Variants in TARS1 observed in about 807,000 individuals in gnomAD.
The protein encoded by TARS1 is threonine--tRNA ligase 1, cytoplasmic.
TARS1 carries 57 observed loss-of-function variants against 97.7 expected under a neutral mutation model. That is an observed-to-expected ratio of 0.58 (90% CI 0.47 to 0.73). The LOEUF is 0.73. Ranked by LOEUF, TARS1 falls within the 30% of genes least tolerant of loss-of-function variation. The pLI, the probability that TARS1 is intolerant of heterozygous loss-of-function variation, is 0.00. For synonymous variants in TARS1, 312 were observed against 293.7 expected, an observed-to-expected ratio of 1.06 and a Z score of -0.64; for missense variants, 806 against 888.3, an observed-to-expected ratio of 0.91 and a Z score of 1.18.
At chr5:33,440,794 A>T (rs1025428508), upstream of TARS1, 2 of 530,198 alleles carry the variant, frequency 3.8e-6, no homozygotes, top group Non-Finnish European at 6.7e-6. Context: ...GAGAGTAGGC[A>T]TGTAGCTTCT....
At chr5:33,462,072 A>G (rs1233895247) in intron 15 of TARS1, 27 bp from the exon 16 acceptor site, 1 of 1,604,388 alleles carries the variant, frequency 6.2e-7, no homozygotes, top group East Asian at 2.2e-5. Flanking sequence ...ATATAATAAG[A>G]CAAAACAATT....
rs1742601550 is a variant in TARS1, at chr5:33,467,662, A to G, written c.2126A>G (p.Gln709Arg). ...RTISETIERL[Q>R]QLKEFRSKQA... Reference sequence around the variant, plus strand: ...ATTTCTGAAACTATCGAGCGGCTACAGCAGCTCAAAGAGTTCCGCAGCAAA... The same window carrying G: ...ATTTCTGAAACTATCGAGCGGCTACGGCAGCTCAAAGAGTTCCGCAGCAAA... Residue 709 changes from glutamine to arginine, a missense_variant, in exon 19 of 19, where the codon CAG becomes CGG. Transcript: ENST00000265112. 6.2e-7 allele frequency: 1 copy of G among 1,613,944 alleles called. No individual in the cohort carries two copies. Among genetic ancestry groups the G allele is most frequent in the South Asian group, 1.1e-5 (1 of 91,036 alleles).
In TARS1 at chr5:33,459,745, C is replaced by T. The variant is rs1742201393; in HGVS notation, c.1134C>T (p.Phe378=). The T allele has an allele frequency of 1.2e-6, 2 of 1,614,068 alleles. No homozygotes were observed. The highest frequency in any genetic ancestry group is 2.7e-5 in the African/African-American group (2 of 74,910). The change falls in exon 11 of 19, where the codon TTC becomes TTT. Residue 378 remains phenylalanine, a synonymous_variant. Coordinates refer to ENST00000265112, the MANE Select transcript of TARS1 (RefSeq NM_152295.5). The stretch of plus-strand genomic sequence containing the variant: ...AGGAGGTAGTCACCCCAAACATCTT[C>T]AACAGCCGACTCTGGATGACCTCGG... ...GFQEVVTPNI[F]NSRLWMTSGH...
chr5:33,453,493 T>C (rs890803196), intron 4 of TARS1, 81 bp downstream of exon 4: 1 of 1,520,090 alleles, frequency 6.6e-7, no homozygotes, highest in Non-Finnish European at 8.9e-7. Flanking sequence ...CCTGCTGCGA[T>C]TGGGTGGCTA....
intron 1 of TARS1, among the ~76,000 whole-genome samples, chr5:33,444,981 T>C (rs926342650): frequency 2.0e-5 from 3 of 152,094 alleles, no homozygotes; most frequent in Admixed American, 6.6e-5. Context: ...CCTGGAAATA[T>C]GCTTACTGAA....
At chr5:33,444,647 AT>A (rs1741316420) in intron 1 of TARS1, among the ~76,000 whole-genome samples, 1 of 152,074 alleles carries the variant, frequency 6.6e-6, no homozygotes, top group Non-Finnish European at 1.5e-5. Context: ...TGGTTTAGTC[AT>A]TTTTTCTCTC....
chr5:33,467,601 C>T lies in TARS1; in HGVS notation c.2065C>T (p.Arg689Cys), dbSNP rs780056678. ...GAAAATCAGTGGCACTGTTAATATC[C>T]GCACAAGAGACAATAAGGTCCACGG... ...KEKISGTVNIRTRDNKVHGER... is the reference protein window; with the variant it reads ...KEKISGTVNICTRDNKVHGER... The change falls in exon 19 of 19, where the codon CGC becomes TGC. Residue 689 changes from arginine to cysteine, a missense_variant. Around this residue, in one of 3 missense-constraint regions of TARS1, gnomAD observed 446 missense variants for 511.0 expected, o/e 0.87. Coordinates refer to ENST00000265112, the MANE Select transcript of TARS1 (RefSeq NM_152295.5). The T allele has an allele frequency of 8.7e-6, 14 of 1,612,686 alleles. No individual in the cohort carries two copies. The highest frequency in any genetic ancestry group is 1.2e-5 in the Non-Finnish European group (14 of 1,179,400).
chr5:33,458,419 C>T (rs1399986322), intron 9 of TARS1, 147 bp from the exon 10 acceptor site: 1 of 564,190 alleles, frequency 1.8e-6, no homozygotes, highest in Non-Finnish European at 3.0e-6. Flanking sequence ...GAAACACTGA[C>T]ATGGTTTCTT....
rs540451433 is a variant in TARS1, at chr5:33,455,006, G to A, written c.515G>A (p.Cys172Tyr). The change falls in exon 5 of 19, where the codon TGT becomes TAT. Residue 172 changes from cysteine (C) to tyrosine (Y), a missense_variant. Coordinates refer to ENST00000265112, the MANE Select transcript of TARS1 (RefSeq NM_152295.5). Reference protein sequence around the residue: ...GEAMERVYGGCLCYGPPIENG... With the variant: ...GEAMERVYGGYLCYGPPIENG... ...GCCATGGAAAGAGTCTATGGTGGAT[G>A]TTTATGCTACGGTCCGCCAATAGAA... is the stretch of plus-strand genomic sequence containing the variant. 1 of 1,613,856 alleles carries A rather than the reference G, an allele frequency of 6.2e-7. No individual in the cohort carries two copies. Among genetic ancestry groups the A allele is most frequent in the South Asian group, 1.1e-5 (1 of 91,066 alleles).
intron 17 of TARS1, 124 bp from the exon 18 acceptor site, chr5:33,466,747 G>A (rs1742544407): frequency 5.4e-6 from 3 of 560,130 alleles, no homozygotes; most frequent in Admixed American, 7.9e-5. Flanking sequence ...AGACAGTTTT[G>A]CCAGCTTTAA....
chr5:33,462,922 C>A (rs1251760746), intron 16 of TARS1, among the ~76,000 whole-genome samples: 1 of 152,190 alleles, frequency 6.6e-6, no homozygotes, highest in African/African-American at 2.4e-5. Context: ...TTGGTTACTT[C>A]AGAAATTAGG....
At position 33,454,478 on chromosome 5, in the gene TARS1, C is replaced by T. The variant is rs150881888; in HGVS notation, c.454-467C>T. Among the ~76,000 whole-genome samples the T allele has an allele frequency of 2.1e-4, 32 of 152,222 alleles. No homozygotes were observed. The East Asian group carries it at 4.2e-3, about 20-fold the overall frequency. On this transcript the variant is annotated intron_variant, in intron 4 of 18. Coordinates refer to ENST00000265112, the MANE Select transcript of TARS1 (RefSeq NM_152295.5). ...GTGTTTTGTCATTGTGTTGTGGGGTCGGGTTGTACCACCTTTGTTTTGGGC... is the reference window on the plus strand; with the variant it reads ...GTGTTTTGTCATTGTGTTGTGGGGTTGGGTTGTACCACCTTTGTTTTGGGC...
In TARS1 at chr5:33,446,896, A is replaced by G. The variant is rs902530965; in HGVS notation, c.138+1492A>G. Reference sequence around the variant, plus strand: ...TTAGTTAATTCATGGGTTCTTCACCATTGAAGGTTATGGACCGTTGTGATA... The same window carrying G: ...TTAGTTAATTCATGGGTTCTTCACCGTTGAAGGTTATGGACCGTTGTGATA... On this transcript the variant is annotated intron_variant, in intron 2 of 18. Transcript: ENST00000265112. 1.6e-5 allele frequency: 7 copies of G among 440,690 alleles called. No individual in the cohort carries two copies. In the East Asian group the frequency reaches 5.1e-4, roughly 32 times the overall value. The allele number at this position is 440,690 out of a possible 1,614,324, so 27.3% of individuals were successfully genotyped here.
At position 33,453,395 on chromosome 5, in the gene TARS1, G is replaced by A. The variant is rs569001039; in HGVS notation, c.436G>A (p.Asp146Asn). The change falls in exon 4 of 19, where the codon GAT becomes AAT. Residue 146 changes from aspartate to asparagine, a missense_variant. By Grantham distance (23) the Asp-to-Asn change is conservative. Transcript: ENST00000265112. ...DCTLELLKFEDEEAQAVYWHS... is the reference protein window; with the variant it reads ...DCTLELLKFENEEAQAVYWHS... ...TACCTTGGAGCTTCTCAAGTTTGAG[G>A]ATGAGGAAGCTCAGGCAGTAAGTTG... The A allele has an allele frequency of 6.8e-6, 11 of 1,613,372 alleles. No individual in the cohort carries two copies. In the African/African-American group the frequency reaches 1.1e-4, roughly 16 times the overall value.
At chr5:33,445,471 C>A in intron 2 of TARS1, 67 bp downstream of exon 2, 4 of 1,366,710 alleles carry the variant, frequency 2.9e-6, no homozygotes, top group South Asian at 1.2e-5. Flanking sequence ...CTTTCTGAGA[C>A]TTTCCTAATG....
intron 3 of TARS1, among the ~76,000 whole-genome samples, chr5:33,451,436 G>A (rs1331202176): frequency 6.7e-6 from 1 of 150,072 alleles, no homozygotes. Flanking sequence ...GTGCATTGGC[G>A]CCATCTTGGC....
At chr5:33,451,608 C>T (rs562660205) in intron 3 of TARS1, among the ~76,000 whole-genome samples, 212 of 152,238 alleles carry the variant, frequency 1.4e-3, no homozygotes, top group African/African-American at 4.8e-3. Context: ...CTCCTGACCT[C>T]GTGATCCACC....
chr5:33,455,343 C>T (rs763146628), intron 5 of TARS1, among the ~76,000 whole-genome samples: 3 of 151,912 alleles, frequency 2.0e-5, no homozygotes, highest in Non-Finnish European at 4.4e-5. Flanking sequence ...GATAGAGTTG[C>T]GGGAAGGGGT....
In TARS1 at chr5:33,453,401, G is replaced by A. The variant is rs780546165; in HGVS notation, c.442G>A (p.Glu148Lys). The A allele has an allele frequency of 6.2e-7, 1 of 1,613,306 alleles. No individual in the cohort carries two copies. The highest frequency in any genetic ancestry group is 1.1e-5 in the South Asian group (1 of 90,976). Residue 148 changes from glutamate (E) to lysine (K), a missense_variant, in exon 4 of 19, where the codon GAA becomes AAA. Transcript: ENST00000265112. ...GGAGCTTCTCAAGTTTGAGGATGAGGAAGCTCAGGCAGTAAGTTGCTGATT... is the reference window on the plus strand; with the variant it reads ...GGAGCTTCTCAAGTTTGAGGATGAGAAAGCTCAGGCAGTAAGTTGCTGATT... ...TLELLKFEDE[E>K]AQAVYWHSSA...
Sources: gnomAD v4.1 joint callset for allele counts (sites outside exome capture counted in the v4.1 genomes callset) on GRCh38, gnomAD v4.1.1 for gene constraint, gnomAD v4.1.1 regional missense constraint, MANE v1.5 for transcripts, NCBI Gene and HGNC (gene_info 2026-07-23, HGNC 2026-07-21) for gene names.